The following CCDC73 variants were observed in gnomAD, a reference collection of about 807,000 sequenced individuals.
CCDC73 encodes the protein coiled-coil domain containing 73.
A neutral mutation model predicts 116.5 loss-of-function variants in CCDC73; 95 were observed. The ratio of observed to expected loss-of-function variants is 0.82; its 90% CI spans 0.69 to 0.97. The LOEUF (loss-of-function observed/expected upper bound fraction) is 0.97. CCDC73 is among the 50% of genes least tolerant of loss of function. CCDC73 has a pLI of 0.00. For synonymous variants in CCDC73, 398 were observed against 401.3 expected (o/e 0.99, Z 0.10); for missense variants, 1,066 against 1,206.8 (o/e 0.88, Z 1.73).
intron 2 of CCDC73, among the ~76,000 whole-genome samples, chr11:32,751,768 G>C (rs893363219): frequency 2.6e-5 from 4 of 152,186 alleles, no homozygotes; most frequent in Non-Finnish European, 5.9e-5. Flanking sequence ...TTTTTGGTCT[G>C]TATGAAGGTG....
At chr11:32,666,584 C>T (rs1855983856) in intron 9 of CCDC73, among the ~76,000 whole-genome samples, 1 of 152,148 alleles carries the variant, frequency 6.6e-6, no homozygotes, top group Non-Finnish European at 1.5e-5. Context: ...AGGTTTTTAG[C>T]TTCTTTGCGA....
chr11:32,625,435 G>A (rs1308795006), intron 14 of CCDC73, among the ~76,000 whole-genome samples: 3 of 152,156 alleles, frequency 2.0e-5, no homozygotes, highest in Non-Finnish European at 4.4e-5. Context: ...TCCTTTCCAT[G>A]TTTAGTGCTT....
chr11:32,740,243 T>C (rs970527829), intron 2 of CCDC73, among the ~76,000 whole-genome samples: 1 of 152,050 alleles, frequency 6.6e-6, no homozygotes, highest in African/African-American at 2.4e-5. Flanking sequence ...TCTACTTTTT[T>C]TTGGAATAGT....
the CCDC73 span, among the ~76,000 whole-genome samples, chr11:32,812,898 T>C: frequency 6.6e-6 from 1 of 152,146 alleles, no homozygotes; most frequent in South Asian, 2.1e-4. Flanking sequence ...CTTTCACTTA[T>C]GAATGTAGGC....
chr11:32,684,850 T>C (rs1349413852), intron 6 of CCDC73, among the ~76,000 whole-genome samples: 2 of 152,010 alleles, frequency 1.3e-5, no homozygotes, highest in African/African-American at 4.8e-5. Context: ...TACGCTGGTG[T>C]GTGCCTGTGA....
chr11:32,740,874 T>C (rs1850177600), intron 2 of CCDC73, among the ~76,000 whole-genome samples: 1 of 152,118 alleles, frequency 6.6e-6, no homozygotes, highest in Admixed American at 6.6e-5. Context: ...ATGTTGTGTT[T>C]CCATTATCGT....
At chr11:32,806,531 G>A in the CCDC73 span, among the ~76,000 whole-genome samples, 1 of 151,888 alleles carries the variant, frequency 6.6e-6, no homozygotes, top group Non-Finnish European at 1.5e-5. Context: ...GGCTGAGGCG[G>A]GAGGATTGCT....
intron 9 of CCDC73, among the ~76,000 whole-genome samples, chr11:32,668,194 A>T (rs1856005420): frequency 6.6e-6 from 1 of 152,198 alleles, no homozygotes; most frequent in African/African-American, 2.4e-5. Flanking sequence ...GTGATGTAGA[A>T]TTATTTTCCC....
chr11:32,752,755 A>G (rs1447205508), intron 2 of CCDC73, among the ~76,000 whole-genome samples: 1 of 152,116 alleles, frequency 6.6e-6, no homozygotes, highest in Non-Finnish European at 1.5e-5. Context: ...TATTTTGTAA[A>G]TAAGATATTG....
the CCDC73 span, among the ~76,000 whole-genome samples, chr11:32,806,855 C>A: frequency 6.6e-6 from 1 of 152,140 alleles, no homozygotes; most frequent in Admixed American, 6.5e-5. Context: ...TTTGAAAAAG[C>A]ATCTGTTTGA....
chr11:32,665,783 G>A (rs563358581), intron 9 of CCDC73, among the ~76,000 whole-genome samples: 1 of 152,208 alleles, frequency 6.6e-6, no homozygotes, highest in African/African-American at 2.4e-5. Context: ...GCATGTTTTT[G>A]CGGTGGCTGG....
upstream of CCDC73, among the ~76,000 whole-genome samples, chr11:32,795,776 G>GCCTC (rs777007228): frequency 5.3e-5 from 8 of 150,408 alleles, no homozygotes; most frequent in Non-Finnish European, 1.2e-4. Flanking sequence ...TGCAACCTCC[G>GCCTC]CCTCCCGGGT....
At chr11:32,678,139 T>C (rs1169558874) in intron 7 of CCDC73, among the ~76,000 whole-genome samples, 1 of 151,374 alleles carries the variant, frequency 6.6e-6, no homozygotes, top group African/African-American at 2.4e-5. Context: ...ATTAGCCAGA[T>C]GTGGCAGCGG....
chr11:32,604,991 T>TA (rs1201094154), intron 17 of CCDC73: 4 of 152,240 alleles, frequency 2.6e-5, no homozygotes, highest in African/African-American at 9.7e-5. Context: ...TAGCTGGGAT[T>TA]ACAGGCACCC....
chr11:32,732,039 C>T (rs529795797), intron 2 of CCDC73, among the ~76,000 whole-genome samples: 24 of 152,234 alleles, frequency 1.6e-4, no homozygotes, highest in South Asian at 4.1e-4. Context: ...GGACGAATGG[C>T]TAACTACAAT....
At chr11:32,813,385 T>C in the CCDC73 span, among the ~76,000 whole-genome samples, 1 of 152,064 alleles carries the variant, frequency 6.6e-6, no homozygotes, top group Non-Finnish European at 1.5e-5. Flanking sequence ...GCCTTCTGAG[T>C]AACTGGGACA....
intron 14 of CCDC73, among the ~76,000 whole-genome samples, chr11:32,629,377 A>G (rs1307649733): frequency 6.6e-6 from 1 of 152,036 alleles, no homozygotes; most frequent in African/African-American, 2.4e-5. Flanking sequence ...GAAAACAGAC[A>G]TGAAGGAAAA....
chr11:32,788,280 T>C (rs1850645267), intron 1 of CCDC73, among the ~76,000 whole-genome samples: 1 of 152,100 alleles, frequency 6.6e-6, no homozygotes, highest in African/African-American at 2.4e-5. Context: ...CCTATAACTG[T>C]GATAGATAAA....
At chr11:32,622,020 GGTGAGGCTGT>G (rs1417207490) in intron 14 of CCDC73, among the ~76,000 whole-genome samples, 1 of 152,176 alleles carries the variant, frequency 6.6e-6, no homozygotes, top group Non-Finnish European at 1.5e-5. Context: ...AACAGATGAT[GGTGAGGCTGT>G]GGAGAAATAG....
Sources: allele counts gnomAD v4.1 joint callset (sites outside exome capture counted in the v4.1 genomes callset), GRCh38; gene constraint gnomAD v4.1.1; transcripts MANE v1.5; gene names NCBI Gene and HGNC (gene_info 2026-07-23, HGNC 2026-07-21).